NRXN3: variants seen among roughly 807,000 people sequenced by gnomAD.
NRXN3 encodes neurexin III.
In NRXN3, 32 loss-of-function variants were observed where a neutral mutation model predicts 137.6. The ratio of observed to expected loss-of-function variants is 0.23; its 90% confidence interval spans 0.18 to 0.31. NRXN3 has a LOEUF of 0.31. Ranked by LOEUF, NRXN3 falls within the 10% of genes least tolerant of loss-of-function variation. The probability of loss-of-function intolerance (pLI) is 1.00; values close to 1 mark genes in which losing one functional copy is unlikely to be tolerated. For synonymous variants in NRXN3, 798 were observed against 784.5 expected (o/e 1.02, Z -0.29); for missense variants, 1,574 against 2,062.5 (o/e 0.76, Z 4.59).
chr14:79,574,894 C>A (rs942172141), intron 16 of NRXN3, among the ~76,000 whole-genome samples: 1 of 152,028 alleles, frequency 6.6e-6, no homozygotes, highest in Non-Finnish European at 1.5e-5. Flanking sequence ...CAGTAAATTG[C>A]ATAACTTATT....
At chr14:79,665,346 T>C (rs1292552647) in intron 17 of NRXN3, among the ~76,000 whole-genome samples, 1 of 152,144 alleles carries the variant, frequency 6.6e-6, no homozygotes, top group Non-Finnish European at 1.5e-5. Flanking sequence ...ATTTCTTAGA[T>C]TAAGGCACAT....
chr14:79,067,448 A>G (rs2099682173), intron 15 of NRXN3, among the ~76,000 whole-genome samples: 1 of 152,002 alleles, frequency 6.6e-6, no homozygotes. Flanking sequence ...TGTCTCTGCC[A>G]GGTTTTGGTA....
At chr14:78,869,159 G>A (rs1160399837) in intron 10 of NRXN3, among the ~76,000 whole-genome samples, 1 of 152,104 alleles carries the variant, frequency 6.6e-6, no homozygotes, top group Non-Finnish European at 1.5e-5. Context: ...ATTAAGCAAA[G>A]CCATGAAGTT....
At chr14:79,399,741 C>T (rs530193829) in intron 15 of NRXN3, among the ~76,000 whole-genome samples, 3 of 152,212 alleles carry the variant, frequency 2.0e-5, no homozygotes, top group Non-Finnish European at 2.9e-5. Flanking sequence ...GCTAGGTTTG[C>T]CCTGACAAAT....
At position 78,584,463 on chromosome 14, in the gene NRXN3, A is replaced by G. The variant is rs376149428; in HGVS notation, c.758-60657A>G. ...AGTATTTGGCTGTTCTAAAAAGGCT[A>G]TGGTCCCAAAGGCTGAACATCATTG... On this transcript the variant is annotated intron_variant, in intron 4 of 20. Coordinates refer to ENST00000335750, the MANE Select transcript of NRXN3 (RefSeq NM_001330195.2). Among the ~76,000 whole-genome samples the G allele has an allele frequency of 9.9e-5, 15 of 152,100 alleles. No individual in the cohort carries two copies. In the South Asian group the frequency reaches 1.0e-3, roughly 11 times the overall value.
chr14:79,685,969 T>C (rs2098692998), intron 17 of NRXN3, among the ~76,000 whole-genome samples: 1 of 152,042 alleles, frequency 6.6e-6, no homozygotes, highest in Non-Finnish European at 1.5e-5. Context: ...TCCGGCATGG[T>C]TCCATTCCCA....
In NRXN3 at chr14:79,826,801, A is replaced by G. The variant is rs147739761; in HGVS notation, c.4093+21611A>G. ...AAGCATCTTCCTGATACGTTATTTT[A>G]TTTCCCCATTTGTTTACTGGTCACA... On this transcript the variant is annotated intron_variant, in intron 20 of 20. Coordinates refer to ENST00000335750, the MANE Select transcript of NRXN3 (RefSeq NM_001330195.2). 2.2e-3 allele frequency among the ~76,000 whole-genome samples: 342 copies of G among 152,260 alleles called. 1 individual carries two copies. The highest frequency in any genetic ancestry group is 4.1e-3 in the Non-Finnish European group (277 of 68,008).
At chr14:79,748,258 A>T (rs1016584699) in intron 19 of NRXN3, among the ~76,000 whole-genome samples, 8 of 151,770 alleles carry the variant, frequency 5.3e-5, no homozygotes, top group Non-Finnish European at 1.2e-4. Flanking sequence ...TTAAAAACTT[A>T]AAAAAAAGCG....
chr14:78,728,979 G>A (rs2098501122), intron 8 of NRXN3, among the ~76,000 whole-genome samples: 1 of 152,162 alleles, frequency 6.6e-6, no homozygotes, highest in East Asian at 1.9e-4. Context: ...TCTTGGATGT[G>A]TTTTTAACCC....
Position 78,913,274 on chromosome 14 carries a change from C to CTTTCTTTTTTT in NRXN3, c.2276-43965_2276-43964insCTTTTTTTTTT, listed in dbSNP as rs1225280841. Among the ~76,000 whole-genome samples, 15 of 47,862 alleles carry CTTTCTTTTTTT rather than the reference C, an allele frequency of 3.1e-4. No homozygotes were observed. The East Asian group carries it at 6.3e-3, about 20-fold the overall frequency. 31.4% of individuals were successfully genotyped at this position (47,862 alleles called of 152,430 possible). A position where few individuals can be genotyped will look rare whatever the true frequency, so the allele number is the denominator to read the frequency against. On this transcript the variant is annotated intron_variant, in intron 10 of 20. Transcript: ENST00000335750. Reference sequence around the variant, plus strand: ...TCTTTCTTTCTTTCTTTCTTTCTTTCTTTTTTTTTTTTTTTTTTTTTTTTG... The same window carrying CTTTCTTTTTTT: ...TCTTTCTTTCTTTCTTTCTTTCTTTCTTTCTTTTTTTTTTTTTTTTTTTTTTTTTTTTTTTG...
At chr14:78,466,375 G>A (rs936472481) in intron 4 of NRXN3, among the ~76,000 whole-genome samples, 49 of 152,288 alleles carry the variant, frequency 3.2e-4, no homozygotes, top group African/African-American at 1.1e-3. Flanking sequence ...TTTGATAGGG[G>A]TCTGGGCATC....
At chr14:78,407,545 A>G (rs1356608896) in intron 4 of NRXN3, among the ~76,000 whole-genome samples, 1 of 152,144 alleles carries the variant, frequency 6.6e-6, no homozygotes, top group Non-Finnish European at 1.5e-5. Context: ...TTGGCAATTG[A>G]TAGAATTATA....
rs144793794 is a variant in NRXN3, at chr14:78,421,445, A to C, written c.757+123585A>C. ...GATGCCTTATAGATATAATATTAGG[A>C]ATATTTTTCAGCCATTAAAAACTAC... On this transcript the variant is annotated intron_variant, in intron 4 of 20. Transcript: ENST00000335750. Among the ~76,000 whole-genome samples the C allele has an allele frequency of 3.7e-3, 559 of 152,274 alleles. 25 individuals carry two copies. The East Asian group carries it at 0.067, about 18-fold the overall frequency.
chr14:79,441,867 C>CAA (rs369114218), intron 15 of NRXN3, among the ~76,000 whole-genome samples: 199 of 146,342 alleles, frequency 1.4e-3, no homozygotes, highest in Admixed American at 2.3e-3. Flanking sequence ...AAACAAACGA[C>CAA]AAAAAAAAAA....
At chr14:79,304,234 T>C (rs2153224871) in intron 15 of NRXN3, among the ~76,000 whole-genome samples, 1 of 152,122 alleles carries the variant, frequency 6.6e-6, no homozygotes, top group African/African-American at 2.4e-5. Context: ...AGGGTGAGTG[T>C]CGGAGTTCCC....
intron 19 of NRXN3, among the ~76,000 whole-genome samples, chr14:79,737,168 G>A (rs2098944880): frequency 6.6e-6 from 1 of 152,146 alleles, no homozygotes; most frequent in Non-Finnish European, 1.5e-5. Context: ...CTCCTTAAAA[G>A]TGTGGTAACT....
intron 16 of NRXN3, among the ~76,000 whole-genome samples, chr14:79,474,753 A>G (rs1416426596): frequency 6.6e-6 from 1 of 152,104 alleles, no homozygotes; most frequent in East Asian, 1.9e-4. Flanking sequence ...TTATTCTTTA[A>G]TTTTATCGAC....
At chr14:79,078,333 A>G (rs531525827) in intron 15 of NRXN3, among the ~76,000 whole-genome samples, 1 of 152,292 alleles carries the variant, frequency 6.6e-6, no homozygotes, top group East Asian at 1.9e-4. Flanking sequence ...TTGACAGCAG[A>G]TCTGTGGTGG....
In NRXN3 at chr14:79,508,414, A is replaced by C. The variant is rs1245604469; in HGVS notation, c.3444+41012A>C. ...GATTTTTTTTTTTTTTTTAAGACAG[A>C]GTCTCGCTCTTCTTGCCCAGGTTGG... On this transcript the variant is annotated intron_variant, in intron 16 of 20. Transcript: ENST00000335750. 1.9e-3 allele frequency among the ~76,000 whole-genome samples: 7 copies of C among 3,618 alleles called. No homozygotes were observed. The South Asian group carries it at 0.056, about 29-fold the overall frequency. 2.4% of individuals were successfully genotyped at this position (3,618 alleles called of 152,430 possible).
Sources: allele counts gnomAD v4.1 joint callset (sites outside exome capture counted in the v4.1 genomes callset), GRCh38; gene constraint gnomAD v4.1.1; transcripts MANE v1.5; gene names NCBI Gene and HGNC (gene_info 2026-07-23, HGNC 2026-07-21).